Variants in EXOC2 observed in about 807,000 individuals in gnomAD.
EXOC2 encodes exocyst complex component 2, also known as SEC5-like 1.
Under a neutral mutation model 131.8 loss-of-function variants are expected in EXOC2, and 70 were observed. The observed-to-expected ratio is 0.53, with a 90% CI of 0.44 to 0.65. The LOEUF is 0.65. EXOC2 is among the 30% of genes least tolerant of loss of function. The pLI is 0.00. For missense variants in EXOC2, 923 were observed against 1,108.6 expected, an observed-to-expected ratio of 0.83 and a Z score of 2.38; for synonymous variants, 411 against 398.4, an observed-to-expected ratio of 1.03 and a Z score of -0.38.
At chr6:682,293 G>C (rs1339579522) in intron 1 of EXOC2, among the ~76,000 whole-genome samples, 1 of 149,808 alleles carries the variant, frequency 6.7e-6, no homozygotes, top group Non-Finnish European at 1.5e-5. Flanking sequence ...TCTGCCTTCC[G>C]GGTTCATGCC....
chr6:588,851 T>C (rs930216164), intron 11 of EXOC2, among the ~76,000 whole-genome samples: 1 of 152,076 alleles, frequency 6.6e-6, no homozygotes, highest in Admixed American at 6.6e-5. Context: ...AATGAATATA[T>C]ATAGCAATAA....
At chr6:627,843 C>A (rs570955815) in intron 4 of EXOC2, among the ~76,000 whole-genome samples, 1 of 152,252 alleles carries the variant, frequency 6.6e-6, no homozygotes, top group Admixed American at 6.5e-5. Flanking sequence ...CATGGCTGAG[C>A]AAATATTTCT....
At chr6:560,346 A>C (rs1757634236) in intron 17 of EXOC2, among the ~76,000 whole-genome samples, 1 of 152,224 alleles carries the variant, frequency 6.6e-6, no homozygotes, top group Admixed American at 6.5e-5. Flanking sequence ...ATTCCAAATC[A>C]AGTGCAATAA....
intron 2 of EXOC2, among the ~76,000 whole-genome samples, chr6:636,752 T>A (rs1196280298): frequency 6.6e-6 from 1 of 152,182 alleles, no homozygotes; most frequent in East Asian, 1.9e-4. Context: ...GAGAGGGGCC[T>A]TTCCCTTCCT....
intron 7 of EXOC2, among the ~76,000 whole-genome samples, chr6:603,642 T>C (rs118083185): frequency 6.6e-6 from 1 of 152,240 alleles, no homozygotes; most frequent in East Asian, 1.9e-4. Flanking sequence ...TGTTGTGAAA[T>C]ATTTGCCAGC....
At chr6:611,360 T>C (rs1760705197) in intron 6 of EXOC2, among the ~76,000 whole-genome samples, 1 of 152,190 alleles carries the variant, frequency 6.6e-6, no homozygotes, top group Non-Finnish European at 1.5e-5. Flanking sequence ...GCAGCTGCAA[T>C]GAACAGACAC....
intron 11 of EXOC2, among the ~76,000 whole-genome samples, chr6:588,450 T>G (rs1287746981): frequency 6.6e-6 from 1 of 152,188 alleles, no homozygotes; most frequent in African/African-American, 2.4e-5. Context: ...CCTCCTGGGT[T>G]CAAGTGATTC....
intron 22 of EXOC2, among the ~76,000 whole-genome samples, chr6:546,548 G>A (rs568600203): frequency 8.5e-5 from 13 of 152,226 alleles, no homozygotes; most frequent in South Asian, 6.2e-4. Context: ...ACTTATACAC[G>A]CATTTTCTTC....
chr6:571,903 C>CCATGTG (rs1305237605), intron 13 of EXOC2, among the ~76,000 whole-genome samples: 1 of 152,212 alleles, frequency 6.6e-6, no homozygotes, highest in Non-Finnish European at 1.5e-5. Context: ...TGACTGACTT[C>CCATGTG]CATGTGCCAC....
intron 1 of EXOC2, among the ~76,000 whole-genome samples, chr6:692,783 T>C (rs1373951669): frequency 1.2e-5 from 1 of 80,126 alleles, no homozygotes; most frequent in Non-Finnish European, 3.1e-5. Flanking sequence ...ACCGCGGGGG[T>C]GCGAACTGGC....
In EXOC2 at chr6:485,859, G is replaced by C. The variant is rs1763014939; in HGVS notation, c.*812C>G. ...CACGCGGAGCCTGGCCTTTCCGTTA[G>C]GGGACCCTGAAGTCTGCGACCGCCC... is the stretch of plus-strand genomic sequence containing the variant. On this transcript the variant is annotated 3_prime_UTR_variant, in exon 28 of 28. Transcript: ENST00000230449. The C allele has an allele frequency of 6.6e-6, 1 of 152,286 alleles. No homozygotes were observed. Among genetic ancestry groups the C allele is most frequent in the African/African-American group, 2.4e-5 (1 of 41,466 alleles). The allele number at this position is 152,286 out of a possible 1,614,324, so 9.4% of individuals were successfully genotyped here.
intron 1 of EXOC2, among the ~76,000 whole-genome samples, chr6:645,904 A>G (rs761986903): frequency 2.2e-4 from 33 of 152,236 alleles, no homozygotes; most frequent in Non-Finnish European, 4.1e-4. Context: ...AAGGAAGTGT[A>G]TGTCAAAAGG....
At chr6:617,390 T>C (rs191092071) in intron 6 of EXOC2, among the ~76,000 whole-genome samples, 55 of 152,348 alleles carry the variant, frequency 3.6e-4, no homozygotes, top group African/African-American at 1.2e-3. Flanking sequence ...TTTATAGAAT[T>C]AGTCACATAT....
intron 3 of EXOC2, among the ~76,000 whole-genome samples, chr6:630,492 C>T (rs60716586): frequency 0.05 from 7,575 of 152,152 alleles, 554 homozygotes; most frequent in African/African-American, 0.16. Context: ...TGATAAATGC[C>T]GAAAAACCAT....
chr6:568,634 G>A (rs1326759695), intron 13 of EXOC2, among the ~76,000 whole-genome samples: 2 of 152,152 alleles, frequency 1.3e-5, no homozygotes, highest in Admixed American at 6.5e-5. Flanking sequence ...TGCTATGGAG[G>A]GAGGCACATG....
chr6:594,762 A>T (rs1322359412), intron 10 of EXOC2, among the ~76,000 whole-genome samples: 2 of 152,242 alleles, frequency 1.3e-5, no homozygotes, highest in East Asian at 3.8e-4. Flanking sequence ...GTTCTTTTAG[A>T]AATTCTAGAC....
intron 13 of EXOC2, among the ~76,000 whole-genome samples, chr6:570,258 C>T (rs576198579): frequency 3.8e-4 from 57 of 151,996 alleles, no homozygotes; most frequent in Admixed American, 1.8e-3. Flanking sequence ...CTCAGCCTCC[C>T]GAGTAGCTGC....
At chr6:596,682 C>T (rs1759840003) in intron 10 of EXOC2, among the ~76,000 whole-genome samples, 1 of 152,138 alleles carries the variant, frequency 6.6e-6, no homozygotes, top group Admixed American at 6.5e-5. Flanking sequence ...ACATTATTTT[C>T]AAAGGTCACA....
chr6:507,356 CCCCACACACA>C (rs1764624414), intron 23 of EXOC2, among the ~76,000 whole-genome samples: 1 of 70,868 alleles, frequency 1.4e-5, no homozygotes, highest in Non-Finnish European at 3.8e-5. Flanking sequence ...ACAGCAGTGA[CCCCACACACA>C]CACACACACA....
Sources: allele counts gnomAD v4.1 joint callset (sites outside exome capture counted in the v4.1 genomes callset), GRCh38; gene constraint gnomAD v4.1.1; transcripts MANE v1.5; gene names NCBI Gene and HGNC (gene_info 2026-07-23, HGNC 2026-07-21).